TMEM117: variants seen among roughly 807,000 people sequenced by gnomAD.
The protein encoded by TMEM117 is transmembrane protein 117.
TMEM117 carries 27 observed loss-of-function variants against 52.4 expected under a neutral mutation model. The ratio of observed to expected loss-of-function variants is 0.51; its 90% CI spans 0.38 to 0.71. The LOEUF is 0.71. TMEM117 is among the 30% of genes least tolerant of loss of function. TMEM117 has a pLI of 0.00. For synonymous variants in TMEM117, 215 were observed against 206.3 expected (o/e 1.04, Z -0.36); for missense variants, 556 against 630.5 (o/e 0.88, Z 1.26).
chr12:44,192,304 G>T (rs1949365633), intron 4 of TMEM117, among the ~76,000 whole-genome samples: 1 of 152,156 alleles, frequency 6.6e-6, no homozygotes, highest in Non-Finnish European at 1.5e-5. Flanking sequence ...TGATTGCACT[G>T]CCTTTCAGGA....
intron 5 of TMEM117, among the ~76,000 whole-genome samples, chr12:44,234,081 T>C (rs1303058058): frequency 6.6e-6 from 1 of 151,144 alleles, no homozygotes; most frequent in East Asian, 1.9e-4. Flanking sequence ...TCTTGCACTA[T>C]CCTTGTGTCT....
At chr12:43,990,305 G>T (rs1007081706) in intron 3 of TMEM117, among the ~76,000 whole-genome samples, 1 of 152,058 alleles carries the variant, frequency 6.6e-6, no homozygotes, top group Non-Finnish European at 1.5e-5. Context: ...TTTTCTTGCA[G>T]TTTAAAAACT....
intron 5 of TMEM117, among the ~76,000 whole-genome samples, chr12:44,287,549 C>T (rs1245855797): frequency 1.3e-5 from 2 of 152,226 alleles, no homozygotes; most frequent in Non-Finnish European, 2.9e-5. Context: ...CTGTTCCCTG[C>T]TGTCCTTGAC....
chr12:44,072,031 G>A (rs1317418090), intron 3 of TMEM117, among the ~76,000 whole-genome samples: 2 of 152,132 alleles, frequency 1.3e-5, no homozygotes, highest in Admixed American at 6.5e-5. Flanking sequence ...ATGGCACTAG[G>A]CATTCAGGAG....
Position 44,216,005 on chromosome 12 carries a change from C to T in TMEM117, c.608+4618C>T, listed in dbSNP as rs12301946. On this transcript the variant is annotated intron_variant, in intron 5 of 7. Coordinates refer to ENST00000266534, the MANE Select transcript of TMEM117 (RefSeq NM_032256.3). The stretch of plus-strand genomic sequence containing the variant: ...AGCTCCTTTCTTTCTTTCTTTCTTT[C>T]TTTTTTTTTTTTTTTTTTTTGAGAC... 3.2e-3 allele frequency among the ~76,000 whole-genome samples: 358 copies of T among 110,718 alleles called. 5 individuals are homozygous for T. The highest frequency in any genetic ancestry group is 0.012 in the African/African-American group (298 of 25,880). The allele number at this position is 110,718 out of a possible 152,430, so 72.6% of individuals were successfully genotyped here.
the TMEM117 span, among the ~76,000 whole-genome samples, chr12:43,811,620 C>T: frequency 6.6e-6 from 1 of 152,206 alleles, no homozygotes; most frequent in African/African-American, 2.4e-5. Flanking sequence ...TTCATTGGTT[C>T]ATAGAGTGAA....
At chr12:43,954,059 G>T (rs1945267496) in intron 3 of TMEM117, among the ~76,000 whole-genome samples, 1 of 152,166 alleles carries the variant, frequency 6.6e-6, no homozygotes. Flanking sequence ...TGACTTCTGG[G>T]TAAATAATGA....
At chr12:44,203,701 C>G (rs1949527696) in intron 4 of TMEM117, among the ~76,000 whole-genome samples, 1 of 152,282 alleles carries the variant, frequency 6.6e-6, no homozygotes, top group African/African-American at 2.4e-5. Flanking sequence ...TAATTTCACT[C>G]TGTACCCAAA....
intron 3 of TMEM117, among the ~76,000 whole-genome samples, chr12:44,139,591 A>G (rs1167899878): frequency 6.6e-6 from 1 of 152,130 alleles, no homozygotes; most frequent in East Asian, 1.9e-4. Flanking sequence ...AAAAGCCTAT[A>G]TCAATGATCA....
the TMEM117 span, among the ~76,000 whole-genome samples, chr12:43,810,446 TC>T: frequency 6.6e-6 from 1 of 152,162 alleles, no homozygotes; most frequent in Non-Finnish European, 1.5e-5. Flanking sequence ...GGGACAACCT[TC>T]CTTGTCCTTT....
chr12:44,169,882 G>A (rs767604665), intron 4 of TMEM117, among the ~76,000 whole-genome samples: 12 of 152,116 alleles, frequency 7.9e-5, no homozygotes, highest in Non-Finnish European at 1.5e-4. Flanking sequence ...GGAAGACAGC[G>A]TGGCCATTCC....
chr12:43,862,753 A>G (rs1486795136), intron 2 of TMEM117, among the ~76,000 whole-genome samples: 1 of 152,232 alleles, frequency 6.6e-6, no homozygotes, highest in African/African-American at 2.4e-5. Context: ...CTGAAAGATG[A>G]GAAGGAGCTA....
intron 3 of TMEM117, among the ~76,000 whole-genome samples, chr12:43,981,355 A>G (rs192940589): frequency 6.6e-6 from 1 of 152,318 alleles, no homozygotes; most frequent in East Asian, 1.9e-4. Flanking sequence ...AAGAGCTGTC[A>G]TGTATAATTG....
At chr12:43,999,485 T>G (rs1946082713) in intron 3 of TMEM117, among the ~76,000 whole-genome samples, 1 of 151,892 alleles carries the variant, frequency 6.6e-6, no homozygotes, top group Non-Finnish European at 1.5e-5. Context: ...ATGCAGATGG[T>G]TTTTGTTTGT....
chr12:44,154,603 T>A (rs2138236532), intron 4 of TMEM117, among the ~76,000 whole-genome samples: 1 of 152,130 alleles, frequency 6.6e-6, no homozygotes, highest in Non-Finnish European at 1.5e-5. Flanking sequence ...ATTATCCTAA[T>A]TTCTCTTTGA....
chr12:44,365,737 A>G (rs961279150), intron 6 of TMEM117, among the ~76,000 whole-genome samples: 1 of 151,968 alleles, frequency 6.6e-6, no homozygotes, highest in African/African-American at 2.4e-5. Context: ...TCAATCTCCT[A>G]TAAAGGATTT....
intron 3 of TMEM117, among the ~76,000 whole-genome samples, chr12:44,143,279 C>T (rs1306491893): frequency 6.6e-6 from 1 of 152,222 alleles, no homozygotes; most frequent in Non-Finnish European, 1.5e-5. Context: ...ATTAGTCGTA[C>T]AGCTCAAATA....
chr12:44,088,672 G>C (rs1947613506), intron 3 of TMEM117, among the ~76,000 whole-genome samples: 1 of 152,184 alleles, frequency 6.6e-6, no homozygotes, highest in African/African-American at 2.4e-5. Flanking sequence ...AAGATGTCGG[G>C]AGACTTCCTT....
intron 3 of TMEM117, among the ~76,000 whole-genome samples, chr12:44,100,942 C>T (rs1448274072): frequency 6.6e-6 from 1 of 151,880 alleles, no homozygotes. Context: ...GGATTATAAA[C>T]AATAGAAATT....
Sources: gnomAD v4.1 joint callset for allele counts (sites outside exome capture counted in the v4.1 genomes callset) on GRCh38, gnomAD v4.1.1 for gene constraint, MANE v1.5 for transcripts, NCBI Gene and HGNC (gene_info 2026-07-23, HGNC 2026-07-21) for gene names.